Variants in CNOT2 observed in about 807,000 individuals in gnomAD.
The protein encoded by CNOT2 is CCR4-NOT transcription complex subunit 2, also known as CC chemokine receptor 4-negative regulator of transcription 2.
In CNOT2, 7 loss-of-function variants were observed where a neutral mutation model predicts 72.1. That is an observed-to-expected ratio of 0.10 (90% CI 0.06 to 0.18). The LOEUF (loss-of-function observed/expected upper bound fraction) is 0.18. CNOT2 is among the 10% of genes least tolerant of loss of function. The probability of loss-of-function intolerance (pLI) is 1.00; values close to 1 mark genes in which losing one functional copy is unlikely to be tolerated. For missense variants in CNOT2, 345 were observed against 660.3 expected, an observed-to-expected ratio of 0.52 and a Z score of 5.23; for synonymous variants, 196 against 225.6, an observed-to-expected ratio of 0.87 and a Z score of 1.17.
At chr12:70,295,264 G>T (rs1053916970) in intron 2 of CNOT2, among the ~76,000 whole-genome samples, 5 of 152,164 alleles carry the variant, frequency 3.3e-5, no homozygotes, top group Admixed American at 6.5e-5. Flanking sequence ...GAAAGTATGT[G>T]AGGGTTAAAA....
At chr12:70,351,475 C>G (rs1882856950) in intron 15 of CNOT2, among the ~76,000 whole-genome samples, 1 of 152,046 alleles carries the variant, frequency 6.6e-6, no homozygotes, top group African/African-American at 2.4e-5. Context: ...AAAATTTTAC[C>G]TATGTAATTT....
intron 1 of CNOT2, among the ~76,000 whole-genome samples, chr12:70,262,263 T>C (rs145221512): frequency 0.042 from 6,325 of 152,254 alleles, 196 homozygotes; most frequent in Non-Finnish European, 0.064. Context: ...CTCATCTTTT[T>C]CTAGGTTTTG....
intron 11 of CNOT2, among the ~76,000 whole-genome samples, chr12:70,339,419 C>T (rs1881195532): frequency 6.6e-6 from 1 of 152,052 alleles, no homozygotes; most frequent in Admixed American, 6.6e-5. Context: ...GATCAACTCC[C>T]TTCTTACCCA....
At chr12:70,320,861 A>AT (rs1878178093) in intron 4 of CNOT2, among the ~76,000 whole-genome samples, 1 of 151,786 alleles carries the variant, frequency 6.6e-6, no homozygotes, top group African/African-American at 2.4e-5. Context: ...AGCTATCTGG[A>AT]TTTTTTAAAA....
chr12:70,291,133 C>T (rs1871828434), intron 2 of CNOT2, among the ~76,000 whole-genome samples: 1 of 152,032 alleles, frequency 6.6e-6, no homozygotes, highest in Non-Finnish European at 1.5e-5. Context: ...CTTAAGATTC[C>T]CTAGAATCCA....
At chr12:70,278,307 GGTCTTATA>G in intron 2 of CNOT2, 33 bp downstream of exon 2, 3 of 1,459,300 alleles carry the variant, frequency 2.1e-6, no homozygotes, top group Non-Finnish European at 2.9e-6. Flanking sequence ...TTTCTCTATT[GGTCTTATA>G]GCTACATTGA....
intron 11 of CNOT2, among the ~76,000 whole-genome samples, chr12:70,339,091 TACACACAC>T (rs1555205817): frequency 2.9e-5 from 4 of 138,374 alleles, no homozygotes; most frequent in African/African-American, 8.3e-5. Flanking sequence ...TATATATATA[TACACACAC>T]ACACACACAC....
At chr12:70,248,796 A>G (rs1020145876) in intron 1 of CNOT2, among the ~76,000 whole-genome samples, 4 of 152,086 alleles carry the variant, frequency 2.6e-5, no homozygotes, top group African/African-American at 7.2e-5. Context: ...TACAGAGTGT[A>G]TATTTTTAAA....
intron 1 of CNOT2, among the ~76,000 whole-genome samples, chr12:70,271,210 C>T (rs1959209630): frequency 6.6e-6 from 1 of 152,008 alleles, no homozygotes; most frequent in Non-Finnish European, 1.5e-5. Flanking sequence ...GATATAACAA[C>T]ACCTATTGGG....
At chr12:70,308,938 CTTAGAA>C (rs1875966281) in intron 2 of CNOT2, among the ~76,000 whole-genome samples, 1 of 151,984 alleles carries the variant, frequency 6.6e-6, no homozygotes, top group Non-Finnish European at 1.5e-5. Context: ...TTTATTCTTT[CTTAGAA>C]TTAGAGCTCA....
At chr12:70,351,457 T>C (rs1882854264) in intron 15 of CNOT2, among the ~76,000 whole-genome samples, 1 of 152,180 alleles carries the variant, frequency 6.6e-6, no homozygotes, top group African/African-American at 2.4e-5. Flanking sequence ...TTTTAAAACG[T>C]GGAAGGCAAA....
chr12:70,347,632 C>CAAAAAA (rs552686712), intron 15 of CNOT2: 1 of 106,140 alleles, frequency 9.4e-6, no homozygotes, highest in Admixed American at 1.0e-4. Context: ...GACTCCGTCT[C>CAAAAAA]AAAAAAAAAA....
At chr12:70,319,127 ATT>A (rs1259533274) in intron 3 of CNOT2, 169 bp from the exon 4 acceptor site, 1 of 471,780 alleles carries the variant, frequency 2.1e-6, no homozygotes, top group African/African-American at 2.0e-5. Flanking sequence ...GAATTGTGAT[ATT>A]CTCTTAAGAA....
intron 4 of CNOT2, among the ~76,000 whole-genome samples, chr12:70,326,404 GTT>G (rs58536561): frequency 0.14 from 21,723 of 150,562 alleles, 1,885 homozygotes; most frequent in Admixed American, 0.28. Context: ...ATTTTTGCCT[GTT>G]TTAGTTTTTT....
intron 2 of CNOT2, among the ~76,000 whole-genome samples, chr12:70,279,464 G>T (rs947554373): frequency 6.6e-6 from 1 of 152,138 alleles, no homozygotes; most frequent in Non-Finnish European, 1.5e-5. Context: ...AGGGTATGCT[G>T]AATCAGTTTT....
chr12:70,354,055 C>T lies in CNOT2; in HGVS notation c.*140C>T, dbSNP rs1883206306. The T allele has an allele frequency of 7.2e-7, 1 of 1,381,720 alleles. No homozygotes were observed. Among genetic ancestry groups the T allele is most frequent in the South Asian group, 1.8e-5 (1 of 55,724 alleles). 85.6% of individuals were successfully genotyped at this position (1,381,720 alleles called of 1,614,324 possible). On this transcript the variant is annotated 3_prime_UTR_variant, in exon 16 of 16. Transcript: ENST00000229195. Reference sequence around the variant, plus strand: ...TTGAGGATCTGGCAATTGGCTTACGCAAAAGGTCACCATTTGAGGTCCTGC... The same window carrying T: ...TTGAGGATCTGGCAATTGGCTTACGTAAAAGGTCACCATTTGAGGTCCTGC...
intron 2 of CNOT2, among the ~76,000 whole-genome samples, chr12:70,307,361 A>G (rs759835746): frequency 4.6e-5 from 7 of 151,904 alleles, no homozygotes; most frequent in Non-Finnish European, 8.8e-5. Context: ...GCTTTTTTCT[A>G]TTTGAATTTT....
chr12:70,348,443 A>G (rs1882473989), intron 15 of CNOT2, among the ~76,000 whole-genome samples: 1 of 152,232 alleles, frequency 6.6e-6, no homozygotes, highest in African/African-American at 2.4e-5. Flanking sequence ...GTCCAGAACT[A>G]TATTTAAAGA....
At chr12:70,320,915 G>A (rs577050928) in intron 4 of CNOT2, among the ~76,000 whole-genome samples, 1 of 151,806 alleles carries the variant, frequency 6.6e-6, no homozygotes, top group Non-Finnish European at 1.5e-5. Flanking sequence ...AATTCTAACT[G>A]GGCTAAGATA....
Sources: gnomAD v4.1 joint callset for allele counts (sites outside exome capture counted in the v4.1 genomes callset) on GRCh38, gnomAD v4.1.1 for gene constraint, MANE v1.5 for transcripts, NCBI Gene and HGNC (gene_info 2026-07-23, HGNC 2026-07-21) for gene names.